Variants in DCLK2 observed in about 807,000 individuals in gnomAD.
The protein encoded by DCLK2 is doublecortin like kinase 2.
DCLK2 carries 31 observed loss-of-function variants against 78.4 expected under a neutral mutation model. The observed-to-expected ratio is 0.40, with a 90% CI of 0.30 to 0.53. DCLK2 has a LOEUF of 0.53. DCLK2 is among the 20% of genes least tolerant of loss of function. The pLI is 0.61. For synonymous variants in DCLK2, 407 were observed against 374.9 expected, an observed-to-expected ratio of 1.09 and a Z score of -0.99; for missense variants, 872 against 973.7, an observed-to-expected ratio of 0.90 and a Z score of 1.39.
chr4:150,079,107 C>T lies in DCLK2; in HGVS notation c.80C>T (p.Ala27Val), dbSNP rs983277779. 4.5e-6 allele frequency: 7 copies of T among 1,568,922 alleles called. No homozygotes were observed. The highest frequency in any genetic ancestry group is 6.0e-6 in the Non-Finnish European group (7 of 1,160,476). ...CCGCGGCCGGGGTCGCGGAGAGGGGCCCCCAGCTCCTCCGGGGGCAGCAGC... is the reference window on the plus strand; with the variant it reads ...CCGCGGCCGGGGTCGCGGAGAGGGGTCCCCAGCTCCTCCGGGGGCAGCAGC... ...KRPRPGSRRGAPSSSGGSSSS... is the reference protein window; with the variant it reads ...KRPRPGSRRGVPSSSGGSSSS... The change falls in exon 1 of 16, where the codon GCC becomes GTC. Residue 27 changes from alanine (A) to valine (V), a missense_variant. Ala to Val is a moderately conservative substitution (Grantham distance 64). This residue lies in a region of DCLK2 where 567 missense variants were observed against 593.4 expected (regional missense o/e 0.96). Coordinates refer to ENST00000296550, the MANE Select transcript of DCLK2 (RefSeq NM_001040260.4).
chr4:150,104,523 A>G (rs1054709416), intron 2 of DCLK2, among the ~76,000 whole-genome samples: 4 of 151,996 alleles, frequency 2.6e-5, no homozygotes, highest in Non-Finnish European at 5.9e-5. Flanking sequence ...CTATAGATGT[A>G]AAAATGTTAA....
At position 150,248,382 on chromosome 4, in the gene DCLK2, G is replaced by A; in HGVS notation, c.1953G>A (p.Val651=). 6.2e-6 allele frequency: 10 copies of A among 1,613,614 alleles called. No homozygotes were observed. The change falls in exon 14 of 16, where the codon GTG becomes GTA. Residue 651 remains valine, a synonymous_variant. Coordinates refer to ENST00000296550, the MANE Select transcript of DCLK2 (RefSeq NM_001040260.4). ...TAGQILSHPW[V]SDDASQENNM... is the part of the protein sequence containing the mutation. ...GACAAATCCTGAGTCACCCCTGGGT[G>A]TCAGTAAGTACCCACATTCCCAGGG...
chr4:150,251,659 G>A (rs1269380136), intron 15 of DCLK2, among the ~76,000 whole-genome samples: 8 of 10,360 alleles, frequency 7.7e-4, no homozygotes, highest in Non-Finnish European at 9.6e-4. Context: ...CCCCACGAGC[G>A]TGCAGCACTC....
intron 8 of DCLK2, among the ~76,000 whole-genome samples, chr4:150,226,723 T>C (rs1741646783): frequency 6.6e-6 from 1 of 152,226 alleles, no homozygotes; most frequent in African/African-American, 2.4e-5. Context: ...TTATAATGCA[T>C]GATCAAATAT....
chr4:150,121,124 G>C lies in DCLK2; in HGVS notation c.756+18312G>C, dbSNP rs200642046. ...CCTTCAAGTCATAATCTTTTTGCTGGTATAGGGTCTTGCCTTGATGTTGGT... is the reference window on the plus strand; with the variant it reads ...CCTTCAAGTCATAATCTTTTTGCTGCTATAGGGTCTTGCCTTGATGTTGGT... On this transcript the variant is annotated intron_variant, in intron 2 of 15. Coordinates refer to ENST00000296550, the MANE Select transcript of DCLK2 (RefSeq NM_001040260.4). 3.7e-5 allele frequency among the ~76,000 whole-genome samples: 5 copies of C among 136,022 alleles called. No individual in the cohort carries two copies. In the East Asian group the frequency reaches 1.0e-3, roughly 28 times the overall value. 89.2% of individuals were successfully genotyped at this position (136,022 alleles called of 152,430 possible).
chr4:150,177,024 A>C (rs1489993884), intron 2 of DCLK2, among the ~76,000 whole-genome samples: 2 of 152,228 alleles, frequency 1.3e-5, no homozygotes, highest in African/African-American at 4.8e-5. Context: ...CATACAGTTC[A>C]TCAGTATTTC....
At chr4:150,142,037 G>T (rs1560806843) in intron 2 of DCLK2, among the ~76,000 whole-genome samples, 1 of 152,048 alleles carries the variant, frequency 6.6e-6, no homozygotes, top group African/African-American at 2.4e-5. Context: ...AAATTAAACT[G>T]TTTTAGTGTA....
intron 2 of DCLK2, among the ~76,000 whole-genome samples, chr4:150,106,686 T>C (rs889365019): frequency 2.0e-5 from 3 of 152,216 alleles, no homozygotes; most frequent in Admixed American, 2.0e-4. Flanking sequence ...GTGAGAGTTT[T>C]AAGGGGCTGG....
chr4:150,105,521 A>G (rs1731192324), intron 2 of DCLK2, among the ~76,000 whole-genome samples: 1 of 152,084 alleles, frequency 6.6e-6, no homozygotes, highest in Non-Finnish European at 1.5e-5. Context: ...TCAAATGGTG[A>G]TGGAAGTGTA....
intron 2 of DCLK2, among the ~76,000 whole-genome samples, chr4:150,185,517 C>G (rs972254061): frequency 6.6e-6 from 1 of 151,830 alleles, no homozygotes; most frequent in African/African-American, 2.4e-5. Flanking sequence ...AGTTCGAGAC[C>G]AGCCTGACCA....
At chr4:150,175,074 TTATATATTTATA>T (rs1231530440) in intron 2 of DCLK2, among the ~76,000 whole-genome samples, 4 of 7,960 alleles carry the variant, frequency 5.0e-4, no homozygotes, top group East Asian at 6.5e-3. Flanking sequence ...TTATATATAT[TTATATATTTATA>T]TATATATTTA....
At chr4:150,094,961 G>A (rs757550087) in intron 1 of DCLK2, among the ~76,000 whole-genome samples, 5 of 152,314 alleles carry the variant, frequency 3.3e-5, no homozygotes, top group Non-Finnish European at 7.3e-5. Context: ...AGGCTTGGGT[G>A]TCTGTACTTA....
intron 8 of DCLK2, 26 bp from the exon 9 acceptor site, chr4:150,232,311 T>G (rs770834742): frequency 6.8e-6 from 11 of 1,607,344 alleles, no homozygotes; most frequent in Non-Finnish European, 8.5e-6. Context: ...ATTTCTGATC[T>G]CCTCTCTATA....
At chr4:150,112,528 T>C (rs953448060) in intron 2 of DCLK2, among the ~76,000 whole-genome samples, 1 of 152,184 alleles carries the variant, frequency 6.6e-6, no homozygotes, top group African/African-American at 2.4e-5. Context: ...CTTTCAAGTT[T>C]TCTCCATTCA....
In DCLK2 at chr4:150,190,043, A is replaced by AAAAAAG. The variant is rs1170382770; in HGVS notation, c.757-3090_757-3089insGAAAAA. 1.5e-5 allele frequency among the ~76,000 whole-genome samples: 2 copies of AAAAAAG among 135,188 alleles called. 1 individual carries two copies. The highest frequency in any genetic ancestry group is 3.2e-5 in the Non-Finnish European group (2 of 61,966). The allele number at this position is 135,188 out of a possible 152,430, so 88.7% of individuals were successfully genotyped here. ...TAGGGAGACCCTGTCTCAAAAAAAA[A>AAAAAAG]AAAAAAAAGGCCAAGTGTGGTGGCT... is the stretch of plus-strand genomic sequence containing the variant. On this transcript the variant is annotated intron_variant, in intron 2 of 15. Coordinates refer to ENST00000296550, the MANE Select transcript of DCLK2 (RefSeq NM_001040260.4).
intron 1 of DCLK2, among the ~76,000 whole-genome samples, chr4:150,083,839 G>A (rs568310740): frequency 2.0e-5 from 3 of 152,236 alleles, no homozygotes; most frequent in Non-Finnish European, 4.4e-5. Flanking sequence ...CACCTATGAA[G>A]TCTCTTCCCA....
chr4:150,163,042 C>T (rs1264237163), intron 2 of DCLK2, among the ~76,000 whole-genome samples: 5 of 152,038 alleles, frequency 3.3e-5, no homozygotes, highest in South Asian at 4.2e-4. Context: ...ATTGGCAAAA[C>T]GACAGTTGGT....
In DCLK2 at chr4:150,193,788, C is replaced by G. The variant is rs143130219; in HGVS notation, c.859+548C>G. Reference sequence around the variant, plus strand: ...ATTGAGACAGTGTCTCCTTTTGTCTCCCAGCCTGGAGTGCAGTGGCACGAT... The same window carrying G: ...ATTGAGACAGTGTCTCCTTTTGTCTGCCAGCCTGGAGTGCAGTGGCACGAT... On this transcript the variant is annotated intron_variant, in intron 3 of 15. Coordinates refer to ENST00000296550, the MANE Select transcript of DCLK2 (RefSeq NM_001040260.4). Among the ~76,000 whole-genome samples the G allele has an allele frequency of 6.5e-3, 986 of 152,016 alleles. 7 individuals are homozygous for G. Among genetic ancestry groups the G allele is most frequent in the South Asian group, 0.011 (52 of 4,796 alleles).
intron 2 of DCLK2, among the ~76,000 whole-genome samples, chr4:150,174,118 A>G (rs1341304991): frequency 6.6e-6 from 1 of 152,176 alleles, no homozygotes; most frequent in Admixed American, 6.5e-5. Flanking sequence ...CTACTCAGAT[A>G]AAACTGCTTC....
Sources: gnomAD v4.1 joint callset for allele counts (sites outside exome capture counted in the v4.1 genomes callset) on GRCh38, gnomAD v4.1.1 for gene constraint, gnomAD v4.1.1 regional missense constraint, MANE v1.5 for transcripts, NCBI Gene and HGNC (gene_info 2026-07-23, HGNC 2026-07-21) for gene names.